The following CCDC171 variants were observed in gnomAD, a reference collection of about 807,000 sequenced individuals.
CCDC171 encodes coiled-coil domain containing 171.
CCDC171 carries 177 observed loss-of-function variants against 168.2 expected under a neutral mutation model. That is an observed-to-expected ratio of 1.05 (90% CI 0.93 to 1.19). The LOEUF (loss-of-function observed/expected upper bound fraction) is 1.19, where lower values mean the gene tolerates loss of function less well. CCDC171 is among the 50% of genes most tolerant of loss of function. The pLI is 0.00. For synonymous variants in CCDC171, 687 were observed against 540.8 expected (o/e 1.27, Z -3.75); for missense variants, 1,991 against 1,539.0 (o/e 1.29, Z -4.91).
Position 15,669,471 on chromosome 9 carries a change from G to A in CCDC171, c.1076+3148G>A, listed in dbSNP as rs936957007. On this transcript the variant is annotated intron_variant, in intron 9 of 25. Transcript: ENST00000380701. Reference sequence around the variant, plus strand: ...AGGCATTTATCATTTATTTATGTTAGGAACATTCCAATTCCACTTTTTTAG... The same window carrying A: ...AGGCATTTATCATTTATTTATGTTAAGAACATTCCAATTCCACTTTTTTAG... 3.3e-5 allele frequency among the ~76,000 whole-genome samples: 5 copies of A among 152,128 alleles called. No individual in the cohort carries two copies. In the East Asian group the frequency reaches 9.7e-4, roughly 29 times the overall value.
At chr9:15,644,084 T>C (rs549919255) in intron 7 of CCDC171, among the ~76,000 whole-genome samples, 12 of 152,246 alleles carry the variant, frequency 7.9e-5, no homozygotes, top group Non-Finnish European at 1.6e-4. Context: ...TGGGCAAATA[T>C]ATAGGAATGT....
intron 18 of CCDC171, among the ~76,000 whole-genome samples, chr9:15,770,915 TATA>T (rs773973546): frequency 2.0e-5 from 3 of 152,192 alleles, no homozygotes; most frequent in Non-Finnish European, 4.4e-5. Context: ...TGTGTACAAA[TATA>T]ATCACACACA....
rs2132815866 is a variant in CCDC171 at position 15,971,673 on chromosome 9, C to T, written c.3818C>T (p.Thr1273Ile). 2 of 1,613,868 alleles carry T rather than the reference C, an allele frequency of 1.2e-6. No individual in the cohort carries two copies. Among genetic ancestry groups the T allele is most frequent in the Non-Finnish European group, 1.7e-6 (2 of 1,179,868 alleles). ...AGAGCTCCTCTTCCTGCTGACACAA[C>T]TGGTATTGGGGATTTCTTACCATTG... ...PSRAPLPADT[T>I]GIGDFLPLKA... is the part of the protein sequence containing the mutation. Residue 1273 changes from threonine (T) to isoleucine (I), a missense_variant, in exon 26 of 26, where the codon ACT becomes ATT. Transcript: ENST00000380701.
At chr9:15,962,485 A>G (rs933370398) in intron 25 of CCDC171, among the ~76,000 whole-genome samples, 1 of 152,220 alleles carries the variant, frequency 6.6e-6, no homozygotes, top group Non-Finnish European at 1.5e-5. Context: ...ATCAATTTAT[A>G]CAGTTACTAG....
intron 23 of CCDC171, among the ~76,000 whole-genome samples, chr9:15,855,124 C>G (rs1486578348): frequency 6.6e-6 from 1 of 151,544 alleles, no homozygotes; most frequent in African/African-American, 2.4e-5. Flanking sequence ...CTTCTAAATC[C>G]TTGATTGTCT....
At chr9:15,638,410 A>G (rs1337278856) in intron 7 of CCDC171, among the ~76,000 whole-genome samples, 1 of 152,140 alleles carries the variant, frequency 6.6e-6, no homozygotes, top group Non-Finnish European at 1.5e-5. Flanking sequence ...AATCACTACC[A>G]GTAATACTAG....
At chr9:15,642,933 A>T (rs2046756044) in intron 7 of CCDC171, among the ~76,000 whole-genome samples, 1 of 152,164 alleles carries the variant, frequency 6.6e-6, no homozygotes, top group South Asian at 2.1e-4. Context: ...GAATCACTGA[A>T]TATTCTGCAT....
chr9:16,050,255 T>A (rs1462949017), intron 1 of CCDC171, among the ~76,000 whole-genome samples: 1 of 152,248 alleles, frequency 6.6e-6, no homozygotes, highest in African/African-American at 2.4e-5. Context: ...TGTATGAGGC[T>A]ACTTAATGGT....
chr9:15,749,774 T>C (rs1035379001), intron 18 of CCDC171, among the ~76,000 whole-genome samples: 3 of 152,184 alleles, frequency 2.0e-5, no homozygotes, highest in South Asian at 2.1e-4. Flanking sequence ...TTGAAACCAA[T>C]GAGAACAAAG....
intron 25 of CCDC171, among the ~76,000 whole-genome samples, chr9:15,941,177 T>A (rs10810485): frequency 0.33 from 49,806 of 151,910 alleles, 10,286 homozygotes; most frequent in East Asian, 0.62. Flanking sequence ...TAGCATATGT[T>A]TCAGTTTCTA....
intron 23 of CCDC171, among the ~76,000 whole-genome samples, chr9:15,867,501 G>A (rs2061840880): frequency 1.3e-5 from 2 of 152,024 alleles, no homozygotes; most frequent in African/African-American, 4.8e-5. Context: ...CTTGATCTTG[G>A]TTCCTGAAGA....
At chr9:16,046,360 C>G (rs919032685) in intron 1 of CCDC171, among the ~76,000 whole-genome samples, 2 of 152,154 alleles carry the variant, frequency 1.3e-5, no homozygotes, top group African/African-American at 4.8e-5. Flanking sequence ...AGACTTGGGT[C>G]TGCAGAGCTG....
At chr9:15,957,524 A>G (rs756431221) in intron 25 of CCDC171, among the ~76,000 whole-genome samples, 3 of 152,308 alleles carry the variant, frequency 2.0e-5, no homozygotes, top group East Asian at 3.9e-4. Context: ...CCTGCATTCA[A>G]ATGATTGAAC....
Position 15,847,695 on chromosome 9 carries a change from T to G in CCDC171, c.3413+848T>G, listed in dbSNP as rs1443234907. On this transcript the variant is annotated intron_variant, in intron 22 of 25. Coordinates refer to ENST00000380701, the MANE Select transcript of CCDC171 (RefSeq NM_173550.4). ...TGCAAAAATATACGTTAAATATTTTTTGAGACAAACTCTTAAACATAAAAT... is the reference window on the plus strand; with the variant it reads ...TGCAAAAATATACGTTAAATATTTTGTGAGACAAACTCTTAAACATAAAAT... 3.3e-5 allele frequency among the ~76,000 whole-genome samples: 5 copies of G among 152,130 alleles called. No individual in the cohort carries two copies. The East Asian group carries it at 9.6e-4, about 29-fold the overall frequency.
At chr9:15,555,324 T>C (rs534668878) in intron 1 of CCDC171, among the ~76,000 whole-genome samples, 10 of 152,352 alleles carry the variant, frequency 6.6e-5, no homozygotes, top group South Asian at 2.1e-4. Context: ...ATTTGAACCT[T>C]GCCTTTCTTT....
Position 15,721,839 on chromosome 9 carries a change from A to G in CCDC171, c.1389A>G (p.Thr463=), listed in dbSNP as rs2053502002. 6 of 1,558,188 alleles carry G rather than the reference A, an allele frequency of 3.9e-6. No individual in the cohort carries two copies. The highest frequency in any genetic ancestry group is 5.2e-6 in the Non-Finnish European group (6 of 1,150,574). ...TTGAGAGATTGAGGCGTACCTTGAC[A>G]GATTACCAGAACAAGCTGGAAGATG... ...VVLERLRRTL[T]DYQNKLEDAS... is the part of the protein sequence containing the mutation. The change falls in exon 12 of 26, where the codon ACA becomes ACG. Residue 463 remains threonine, a synonymous_variant. Transcript: ENST00000380701.
the CCDC171 span, among the ~76,000 whole-genome samples, chr9:16,094,957 A>G: frequency 9.7e-4 from 148 of 152,024 alleles, no homozygotes; most frequent in African/African-American, 3.5e-3. Context: ...TTCTCATGAG[A>G]TCTGGTTGTT....
At chr9:15,855,785 C>G (rs1017636819) in intron 23 of CCDC171, among the ~76,000 whole-genome samples, 1 of 151,824 alleles carries the variant, frequency 6.6e-6, no homozygotes, top group Non-Finnish European at 1.5e-5. Flanking sequence ...TTAATGCCAA[C>G]GTAGTGCCAA....
At chr9:15,768,745 A>G (rs1189349700) in intron 18 of CCDC171, among the ~76,000 whole-genome samples, 1 of 152,158 alleles carries the variant, frequency 6.6e-6, no homozygotes, top group Non-Finnish European at 1.5e-5. Context: ...TATTTTAATT[A>G]TTCTTTCCCC....
Sources: gnomAD v4.1 joint callset for allele counts (sites outside exome capture counted in the v4.1 genomes callset) on GRCh38, gnomAD v4.1.1 for gene constraint, MANE v1.5 for transcripts, NCBI Gene and HGNC (gene_info 2026-07-23, HGNC 2026-07-21) for gene names.